Variants in SLC60A2 observed in about 807,000 individuals in gnomAD.
SLC60A2 encodes solute carrier family 60 member 2.
At chr6:111,266,268 C>G in the SLC60A2 span, 1 of 1,613,970 alleles carries the variant, frequency 6.2e-7, no homozygotes, top group Non-Finnish European at 8.5e-7. Context: ...TCTCCTTTTT[C>G]TGTTCTTCTT....
the SLC60A2 span, chr6:111,265,891 T>C: frequency 5.0e-6 from 8 of 1,609,950 alleles, no homozygotes; most frequent in Admixed American, 1.7e-5. Context: ...AACGTCCTTA[T>C]CTTGGCTATT....
chr6:111,263,026 C>A, the SLC60A2 span, among the ~76,000 whole-genome samples: 5 of 152,152 alleles, frequency 3.3e-5, no homozygotes, highest in Admixed American at 2.0e-4. Context: ...CAACCTCCCC[C>A]TCCTGGGCTC....
chr6:111,273,285 G>A, the SLC60A2 span, among the ~76,000 whole-genome samples: 1 of 152,034 alleles, frequency 6.6e-6, no homozygotes, highest in Non-Finnish European at 1.5e-5. Context: ...GAGCAACTAG[G>A]ATTACAGGTG....
the SLC60A2 span, chr6:111,268,556 T>C: frequency 6.6e-6 from 1 of 152,242 alleles, no homozygotes; most frequent in Non-Finnish European, 1.5e-5. Flanking sequence ...GACACTATGT[T>C]CTAATTTTAA....
At chr6:111,261,748 C>T in the SLC60A2 span, among the ~76,000 whole-genome samples, 7 of 152,116 alleles carry the variant, frequency 4.6e-5, no homozygotes, top group East Asian at 1.2e-3. Context: ...CGCCCACCAC[C>T]ATGCCCAGCT....
At chr6:111,276,514 G>A in the SLC60A2 span, among the ~76,000 whole-genome samples, 1 of 152,094 alleles carries the variant, frequency 6.6e-6, no homozygotes, top group African/African-American at 2.4e-5. Context: ...AGTTATGTTG[G>A]GCAACTACCT....
the SLC60A2 span, chr6:111,266,661 A>AT: frequency 1.9e-6 from 3 of 1,614,216 alleles, no homozygotes; most frequent in Admixed American, 3.3e-5. Context: ...CCTGGGAGAA[A>AT]TGGCTATTCC....
At chr6:111,267,527 T>G in the SLC60A2 span, 1 of 159,530 alleles carries the variant, frequency 6.3e-6, no homozygotes, top group East Asian at 1.8e-4. Flanking sequence ...AATAGTTTCA[T>G]AAAAGAGAAA....
At chr6:111,266,468 C>T in the SLC60A2 span, 3 of 1,614,206 alleles carry the variant, frequency 1.9e-6, no homozygotes, top group Admixed American at 5.0e-5. Flanking sequence ...TGTTGAGCAA[C>T]ATTGGCAGCC....
At chr6:111,264,107 T>C in the SLC60A2 span, among the ~76,000 whole-genome samples, 1 of 152,236 alleles carries the variant, frequency 6.6e-6, no homozygotes. Context: ...GCAGCTATTC[T>C]TGCCAATTAG....
At chr6:111,263,212 G>A in the SLC60A2 span, among the ~76,000 whole-genome samples, 4 of 152,154 alleles carry the variant, frequency 2.6e-5, no homozygotes, top group Non-Finnish European at 5.9e-5. Flanking sequence ...ACAGGTGTGA[G>A]CCACCACGCC....
chr6:111,270,219 A>G, the SLC60A2 span: 1 of 152,178 alleles, frequency 6.6e-6, no homozygotes, highest in African/African-American at 2.4e-5. Flanking sequence ...TCATTATGGG[A>G]ATAACATCCC....
chr6:111,264,105 T>C, the SLC60A2 span, among the ~76,000 whole-genome samples: 4 of 152,218 alleles, frequency 2.6e-5, no homozygotes, highest in African/African-American at 9.6e-5. Flanking sequence ...TAGCAGCTAT[T>C]CTTGCCAATT....
At chr6:111,277,320 G>C in the SLC60A2 span, among the ~76,000 whole-genome samples, 5 of 152,164 alleles carry the variant, frequency 3.3e-5, no homozygotes, top group Admixed American at 6.5e-5. Context: ...GAGCGTGTTA[G>C]ACAAGGTTTG....
chr6:111,277,545 T>C, the SLC60A2 span, among the ~76,000 whole-genome samples: 2 of 152,198 alleles, frequency 1.3e-5, no homozygotes, highest in Non-Finnish European at 2.9e-5. Flanking sequence ...CCTGGGAATA[T>C]AATAGGAGAA....
chr6:111,261,657 A>C, the SLC60A2 span, among the ~76,000 whole-genome samples: 1 of 152,036 alleles, frequency 6.6e-6, no homozygotes, highest in Non-Finnish European at 1.5e-5. Context: ...GCAATGGTGC[A>C]GTCTCGGCTC....
chr6:111,274,430 GT>G, the SLC60A2 span, among the ~76,000 whole-genome samples: 2 of 152,112 alleles, frequency 1.3e-5, no homozygotes, highest in African/African-American at 4.8e-5. Flanking sequence ...ATACAGTTGG[GT>G]AATGGGGTTT....
At chr6:111,259,791 A>T in the SLC60A2 span, 1 of 1,493,890 alleles carries the variant, frequency 6.7e-7, no homozygotes, top group Non-Finnish European at 9.0e-7. Flanking sequence ...GCCACTTGCA[A>T]ACTGACCTTG....
the SLC60A2 span, chr6:111,269,101 T>C: frequency 1.3e-5 from 2 of 152,234 alleles, no homozygotes; most frequent in African/African-American, 4.8e-5. Flanking sequence ...ATTCACCTTA[T>C]ATGCCTGCCA....
Sources: allele counts gnomAD v4.1 joint callset (sites outside exome capture counted in the v4.1 genomes callset), GRCh38; gene constraint gnomAD v4.1.1; transcripts MANE v1.5; gene names NCBI Gene and HGNC (gene_info 2026-07-23, HGNC 2026-07-21).